Variants in PARP10 observed in about 807,000 individuals in gnomAD.
The protein encoded by PARP10 is protein mono-ADP-ribosyltransferase PARP10.
Under a neutral mutation model 82.4 loss-of-function variants are expected in PARP10, and 56 were observed. That is an observed-to-expected ratio of 0.68 (90% confidence interval 0.55 to 0.85). The LOEUF is 0.85. Among genes scored for constraint, PARP10 ranks in the 40% least tolerant of loss-of-function variants. PARP10 has a pLI of 0.00. For synonymous variants in PARP10, 576 were observed against 601.1 expected, an observed-to-expected ratio of 0.96 and a Z score of 0.61; for missense variants, 1,227 against 1,379.4, an observed-to-expected ratio of 0.89 and a Z score of 1.75.
At chr8:144,000,422 G>A (rs1277818396) in intron 1 of PARP10, among the ~76,000 whole-genome samples, 1 of 152,214 alleles carries the variant, frequency 6.6e-6, no homozygotes, top group Non-Finnish European at 1.5e-5. Context: ...CCTAGCACCT[G>A]AGGGAGCAAG....
intron 1 of PARP10, among the ~76,000 whole-genome samples, chr8:144,002,226 A>C (rs1329992055): frequency 6.6e-6 from 1 of 152,202 alleles, no homozygotes; most frequent in Non-Finnish European, 1.5e-5. Flanking sequence ...TCTCATACCA[A>C]TTGATCTTTA....
chr8:143,983,705 C>G lies in PARP10; in HGVS notation c.1884G>C (p.Glu628Asp). Residue 628 changes from glutamate to aspartate, a missense_variant, in exon 8 of 11, where the codon GAG becomes GAC. Transcript: ENST00000313028. The stretch of plus-strand genomic sequence containing the variant: ...CCTCCTCATGCCCTGGGGTCACCTC[C>G]TCCTCTGGCTGCTCCTGAGGCCCTT... Reference protein sequence around the residue: ...EEEGPQEQPEEEVTPGHEEEE... With the variant: ...EEEGPQEQPEDEVTPGHEEEE... The G allele has an allele frequency of 6.2e-7, 1 of 1,610,006 alleles. No individual in the cohort carries two copies. The highest frequency in any genetic ancestry group is 1.1e-5 in the South Asian group (1 of 90,322).
rs1834286354 is a variant in PARP10 at position 144,011,779 on chromosome 8, T to C, written c.-80+751A>G. ...GAAGGCAACGACGGGAGATTTGGAA[T>C]AGGGAACGCTGAGTCACCAGAAATG... On this transcript the variant is annotated intron_variant, in intron 1 of 3. Transcript: ENST00000530478. This position sits in a 1 kb window ranked among gnomAD's most constrained non-coding sequence, Gnocchi z 4.5. 6.6e-6 allele frequency among the ~76,000 whole-genome samples: 1 copy of C among 151,972 alleles called. No individual in the cohort carries two copies.
Position 143,984,438 on chromosome 8 carries a change from G to A in PARP10, c.1459-7C>T, listed in dbSNP as rs782597976. On this transcript the variant is annotated splice_polypyrimidine_tract_variant and splice_region_variant and intron_variant, in intron 5 of 10. Transcript: ENST00000313028. ...AAGCCTGGGCTCCACAGAGCTGCAG[G>A]GCCATTGCAGAGATGGAGTTTGCAG... 6.2e-7 allele frequency: 1 copy of A among 1,604,010 alleles called. No individual in the cohort carries two copies. Among genetic ancestry groups the A allele is most frequent in the African/African-American group, 1.3e-5 (1 of 74,786 alleles).
In PARP10 at chr8:143,977,584, T is replaced by A. The variant is rs1554746501; in HGVS notation, c.2978A>T (p.Asp993Val). The A allele has an allele frequency of 6.3e-7, 1 of 1,578,390 alleles. No individual in the cohort carries two copies. The highest frequency in any genetic ancestry group is 1.2e-5 in the South Asian group (1 of 86,488). ...GAGGTGGGTGGGCAGCGCCTGGGTG[T>A]CGTGGAAGATGACGAAGATGCTGGG... is the stretch of plus-strand genomic sequence containing the variant. ...CQPSIFVIFH[D>V]TQALPTHLIT... Residue 993 changes from aspartate (D) to valine (V), a missense_variant, in exon 11 of 11, where the codon GAC (aspartate) becomes GTC (valine). Transcript: ENST00000313028.
chr8:143,991,158 G>T, upstream of PARP10: 1 of 1,180,018 alleles, frequency 8.5e-7, no homozygotes, highest in South Asian at 1.6e-5. Flanking sequence ...CGACGCTGTC[G>T]TCAAGCCAAC....
Position 143,977,423 on chromosome 8 carries a change from G to C in PARP10, c.*61C>G. 7.1e-7 allele frequency: 1 copy of C among 1,402,408 alleles called. No homozygotes were observed. Among genetic ancestry groups the C allele is most frequent in the Non-Finnish European group, 9.6e-7 (1 of 1,046,546 alleles). The allele number at this position is 1,402,408 out of a possible 1,614,324, so 86.9% of individuals were successfully genotyped here. On this transcript the variant is annotated 3_prime_UTR_variant, in exon 11 of 11. Coordinates refer to ENST00000313028, the MANE Select transcript of PARP10 (RefSeq NM_032789.5). ...AGGCGGCCACAGTTGGGGGCGGGGA[G>C]CATCAGCCTGTGCGGAGCTGGGAGC...
intron 1 of PARP10, among the ~76,000 whole-genome samples, chr8:143,999,903 G>A (rs1179755223): frequency 6.6e-6 from 1 of 152,144 alleles, no homozygotes; most frequent in African/African-American, 2.4e-5. Context: ...AATGGATAGA[G>A]AACAAAGTAT....
intron 1 of PARP10, 44 bp downstream of exon 1, chr8:143,986,314 C>T: frequency 6.2e-7 from 1 of 1,614,130 alleles, no homozygotes; most frequent in Non-Finnish European, 8.5e-7. Context: ...AAGGTGTGTC[C>T]TCAATGCTCC....
chr8:144,009,100 G>A (rs782808069), intron 1 of PARP10, among the ~76,000 whole-genome samples: 9 of 152,172 alleles, frequency 5.9e-5, no homozygotes, highest in Non-Finnish European at 1.3e-4. Context: ...GAAGAGAACA[G>A]TGAAAGAGGA....
chr8:143,998,083 G>A (rs989980951), intron 1 of PARP10, among the ~76,000 whole-genome samples: 4 of 152,196 alleles, frequency 2.6e-5, no homozygotes, highest in Middle Eastern at 3.4e-3. Flanking sequence ...ATGAGCCACC[G>A]TGCCTAGCCA....
At chr8:144,004,513 G>A (rs140875988) in intron 1 of PARP10, among the ~76,000 whole-genome samples, 4 of 152,200 alleles carry the variant, frequency 2.6e-5, no homozygotes, top group East Asian at 1.9e-4. Flanking sequence ...CCCACCTCCC[G>A]GTACCTCACA....
chr8:144,001,873 C>CGTGTGTGTGTGTGTGTGTGTGTGTGTGT (rs57117824), intron 1 of PARP10, among the ~76,000 whole-genome samples: 2 of 136,414 alleles, frequency 1.5e-5, no homozygotes, highest in Admixed American at 1.4e-4. Flanking sequence ...AATATATATA[C>CGTGTGTGTGTGTGTGTGTGTGTGTGTGT]GTGTGTGTGT....
At chr8:143,987,889 TA>T (rs142649749), upstream of PARP10, among the ~76,000 whole-genome samples, 5 of 147,068 alleles carry the variant, frequency 3.4e-5, no homozygotes, top group African/African-American at 7.5e-5. Flanking sequence ...AGACTCTGTC[TA>T]AAAAAAAAAC....
rs563132095 is a variant in PARP10 at position 144,011,766 on chromosome 8, G to C, written c.-80+764C>G. Among the ~76,000 whole-genome samples the C allele has an allele frequency of 6.6e-6, 1 of 152,194 alleles. No individual in the cohort carries two copies. Among genetic ancestry groups the C allele is most frequent in the Non-Finnish European group, 1.5e-5 (1 of 68,002 alleles). On this transcript the variant is annotated intron_variant, in intron 1 of 3. Coordinates refer to the PARP10 transcript ENST00000530478. The surrounding 1 kb of genome is among the most constrained non-coding windows in gnomAD (Gnocchi z 4.5). ...ATCCAAGTGCGGAGAAGGCAACGAC[G>C]GGAGATTTGGAATAGGGAACGCTGA... is the stretch of plus-strand genomic sequence containing the variant.
intron 9 of PARP10, among the ~76,000 whole-genome samples, chr8:143,980,097 A>G (rs575163059): frequency 2.0e-3 from 292 of 149,624 alleles, no homozygotes; most frequent in Non-Finnish European, 3.5e-3. Context: ...CGAGGTGGGC[A>G]GATCATGAGG....
chr8:144,012,416 A>C, intron 1 of PARP10: 1 of 1,051,168 alleles, frequency 9.5e-7, no homozygotes, highest in Non-Finnish European at 1.4e-6. Flanking sequence ...AGCCTTGCAG[A>C]CTCTGCACCC....
chr8:144,012,735 C>A (rs1554752643), exon 1 of PARP10: 2 of 1,551,400 alleles, frequency 1.3e-6, no homozygotes, highest in Non-Finnish European at 1.7e-6. Flanking sequence ...TGGTAAGAGG[C>A]CTCGCTCCCA....
At chr8:144,012,334 G>A (rs1474110369) in intron 1 of PARP10, 2 of 607,664 alleles carry the variant, frequency 3.3e-6, no homozygotes, top group African/African-American at 3.7e-5. Flanking sequence ...GGAGAGCTGA[G>A]GGTGTTAGAG....
Sources: gnomAD v4.1 joint callset for allele counts (sites outside exome capture counted in the v4.1 genomes callset) on GRCh38, gnomAD v4.1.1 for gene constraint, Gnocchi (gnomAD v3.1) non-coding constraint, MANE v1.5 for transcripts, NCBI Gene and HGNC (gene_info 2026-07-23, HGNC 2026-07-21) for gene names.